Variants in CDADC1 observed in about 807,000 individuals in gnomAD.
The protein encoded by CDADC1 is cytidine and dCMP deaminase domain containing 1.
In CDADC1, 39 loss-of-function variants were observed where a neutral mutation model predicts 54.9. The ratio of observed to expected loss-of-function variants is 0.71; its 90% CI spans 0.55 to 0.93. The LOEUF (loss-of-function observed/expected upper bound fraction) is 0.93, where lower values mean the gene tolerates loss of function less well. CDADC1 is among the 40% of genes least tolerant of loss of function. The probability of loss-of-function intolerance (pLI) is 0.00; values close to 1 mark genes in which losing one functional copy is unlikely to be tolerated. For synonymous variants in CDADC1, 186 were observed against 204.0 expected, an observed-to-expected ratio of 0.91 and a Z score of 0.75; for missense variants, 518 against 618.8, an observed-to-expected ratio of 0.84 and a Z score of 1.73.
In CDADC1 at chr13:49,274,322, T is replaced by C. The variant is rs763732083; in HGVS notation, c.1032T>C (p.Ile344=). Residue 344 remains isoleucine (I), a synonymous_variant, in exon 6 of 10, where the codon ATT becomes ATC. Coordinates refer to ENST00000251108, the MANE Select transcript of CDADC1 (RefSeq NM_030911.4). The stretch of plus-strand genomic sequence containing the variant: ...ATAAAACAGGAGTTGGGGCAGTCAT[T>C]TGGGCAGAAGGGAAATCTGTAAGTA... The part of the protein sequence containing the change: ...EDHKTGVGAV[I]WAEGKSRSCD... 3.7e-6 allele frequency: 6 copies of C among 1,611,526 alleles called. No individual in the cohort carries two copies. The highest frequency in any genetic ancestry group is 1.7e-4 in the Middle Eastern group (1 of 6,058).
chr13:49,253,672 TTTGTTG>T (rs999999855), intron 2 of CDADC1, among the ~76,000 whole-genome samples: 2 of 152,128 alleles, frequency 1.3e-5, no homozygotes, highest in African/African-American at 2.4e-5. Context: ...GTACTATGTG[TTTGTTG>T]TTGTTGTTGT....
chr13:49,272,378 G>A (rs1202618520), intron 5 of CDADC1, among the ~76,000 whole-genome samples: 1 of 152,120 alleles, frequency 6.6e-6, no homozygotes, highest in African/African-American at 2.4e-5. Flanking sequence ...AAAGGTCTAG[G>A]AAGGAACCCA....
At chr13:49,249,250 A>G (rs749162810) in intron 2 of CDADC1, among the ~76,000 whole-genome samples, 4 of 152,208 alleles carry the variant, frequency 2.6e-5, no homozygotes, top group African/African-American at 7.2e-5. Context: ...CCCCAATTAT[A>G]TATACTGTTG....
At chr13:49,275,087 CTTT>C (rs68165171) in intron 6 of CDADC1, among the ~76,000 whole-genome samples, 13 of 137,952 alleles carry the variant, frequency 9.4e-5, no homozygotes, top group Admixed American at 1.5e-4. Context: ...GGTGAACATT[CTTT>C]TTTTTTTTTT....
chr13:49,288,520 T>C (rs899582023), intron 9 of CDADC1, among the ~76,000 whole-genome samples: 5 of 152,254 alleles, frequency 3.3e-5, no homozygotes, highest in African/African-American at 1.2e-4. Flanking sequence ...TGGATTAGTC[T>C]ATTCTGGCCA....
In CDADC1 at chr13:49,285,486, T is replaced by C. The variant is rs555123466; in HGVS notation, c.1411-736T>C. Among the ~76,000 whole-genome samples the C allele has an allele frequency of 2.6e-5, 4 of 152,278 alleles. No homozygotes were observed. The South Asian group carries it at 8.3e-4, about 32-fold the overall frequency. On this transcript the variant is annotated intron_variant, in intron 8 of 9. Coordinates refer to ENST00000251108, the MANE Select transcript of CDADC1 (RefSeq NM_030911.4). The stretch of plus-strand genomic sequence containing the variant: ...CACTGTGCATGGCCTATCTTGGTCA[T>C]ATTTTCATTCTTTAATACCTAGGCC...
At chr13:49,275,955 G>A (rs535031234) in intron 6 of CDADC1, among the ~76,000 whole-genome samples, 16 of 151,868 alleles carry the variant, frequency 1.1e-4, no homozygotes, top group Admixed American at 1.0e-3. Context: ...TTTTAGTAGA[G>A]ATGGGGTTTC....
intron 9 of CDADC1, among the ~76,000 whole-genome samples, chr13:49,289,152 G>A (rs576324372): frequency 4.3e-5 from 5 of 116,894 alleles, no homozygotes; most frequent in East Asian, 5.7e-4. Flanking sequence ...TTTTTATGAC[G>A]GAGTCTCACT....
At chr13:49,264,207 G>A (rs545770554) in intron 4 of CDADC1, among the ~76,000 whole-genome samples, 16 of 152,274 alleles carry the variant, frequency 1.1e-4, no homozygotes, top group East Asian at 3.9e-4. Context: ...TGGCAATAAC[G>A]TAATTCACAA....
At chr13:49,261,104 T>C (rs2138207051) in intron 4 of CDADC1, among the ~76,000 whole-genome samples, 1 of 152,338 alleles carries the variant, frequency 6.6e-6, no homozygotes, top group Middle Eastern at 3.4e-3. Context: ...TGAAGAACTG[T>C]AGAGCCTTTG....
At chr13:49,249,076 T>TA (rs1220822482) in intron 2 of CDADC1, 111 bp downstream of exon 2, 1 of 680,690 alleles carries the variant, frequency 1.5e-6, no homozygotes, top group African/African-American at 1.8e-5. Context: ...GCTTAAGATT[T>TA]AAAAAATATC....
chr13:49,284,873 C>CATCA (rs1264373237), intron 8 of CDADC1, among the ~76,000 whole-genome samples: 1 of 152,170 alleles, frequency 6.6e-6, no homozygotes, highest in Non-Finnish European at 1.5e-5. Flanking sequence ...CCTAGCAGGG[C>CATCA]CTTTTGGTTA....
intron 6 of CDADC1, among the ~76,000 whole-genome samples, chr13:49,276,240 G>C (rs1460553711): frequency 6.6e-6 from 1 of 152,106 alleles, no homozygotes; most frequent in East Asian, 1.9e-4. Context: ...ACCACATGTG[G>C]CTAGTGGCGA....
intron 8 of CDADC1, among the ~76,000 whole-genome samples, chr13:49,285,759 C>T (rs945597678): frequency 6.6e-6 from 1 of 151,814 alleles, no homozygotes. Flanking sequence ...CTCAGTGTGG[C>T]GTTATTAGGG....
chr13:49,269,522 T>A (rs1267239668), intron 5 of CDADC1, among the ~76,000 whole-genome samples: 1 of 152,188 alleles, frequency 6.6e-6, no homozygotes, highest in African/African-American at 2.4e-5. Context: ...CCCAAACAAT[T>A]GCATTGTGTA....
intron 9 of CDADC1, among the ~76,000 whole-genome samples, chr13:49,291,141 C>T (rs970496926): frequency 1.3e-5 from 2 of 149,916 alleles, no homozygotes; most frequent in Non-Finnish European, 3.0e-5. Flanking sequence ...AATTACTTGC[C>T]GTACACTGTT....
At chr13:49,286,485 TCCTATAG>T (rs1387552881) in intron 9 of CDADC1, among the ~76,000 whole-genome samples, 1 of 152,224 alleles carries the variant, frequency 6.6e-6, no homozygotes, top group African/African-American at 2.4e-5. Flanking sequence ...TAATAATTAC[TCCTATAG>T]AATCTACAGG....
At chr13:49,258,261 T>C (rs915346227) in intron 3 of CDADC1, among the ~76,000 whole-genome samples, 13 of 152,338 alleles carry the variant, frequency 8.5e-5, no homozygotes, top group South Asian at 4.1e-4. Flanking sequence ...GGGATAAGTA[T>C]AGGGTTAAAT....
intron 9 of CDADC1, among the ~76,000 whole-genome samples, chr13:49,287,797 C>T (rs1450820438): frequency 1.3e-5 from 2 of 151,926 alleles, no homozygotes; most frequent in East Asian, 3.9e-4. Flanking sequence ...CATGGCAAAA[C>T]CCTCTCTCTA....
Sources: allele counts gnomAD v4.1 joint callset (sites outside exome capture counted in the v4.1 genomes callset), GRCh38; gene constraint gnomAD v4.1.1; transcripts MANE v1.5; gene names NCBI Gene and HGNC (gene_info 2026-07-23, HGNC 2026-07-21).